Variants in NTNG2 observed in about 807,000 individuals in gnomAD.
NTNG2 encodes the protein netrin G2.
Under a neutral mutation model 47.6 loss-of-function variants are expected in NTNG2, and 15 were observed. That is an observed-to-expected ratio of 0.32 (90% CI 0.21 to 0.49). The LOEUF (loss-of-function observed/expected upper bound fraction) is 0.49, where lower values mean the gene tolerates loss of function less well. Among genes scored for constraint, NTNG2 ranks in the 20% least tolerant of loss-of-function variants. NTNG2 has a pLI of 0.99. For synonymous variants in NTNG2, 307 were observed against 324.6 expected (o/e 0.95, Z 0.58); for missense variants, 578 against 764.6 (o/e 0.76, Z 2.88).
At chr9:132,214,276 G>A (rs1589489246) in intron 3 of NTNG2, among the ~76,000 whole-genome samples, 1 of 152,220 alleles carries the variant, frequency 6.6e-6, no homozygotes, top group African/African-American at 2.4e-5. Flanking sequence ...CCCCGCTCAC[G>A]ATTTTTGTGG....
intron 4 of NTNG2, among the ~76,000 whole-genome samples, chr9:132,230,161 C>G (rs1841089875): frequency 6.6e-6 from 1 of 152,208 alleles, no homozygotes; most frequent in Non-Finnish European, 1.5e-5. Context: ...AGCCACACTG[C>G]ACTTCTTAGA....
chr9:132,202,449 G>T (rs534759754), intron 3 of NTNG2, among the ~76,000 whole-genome samples: 1 of 152,286 alleles, frequency 6.6e-6, no homozygotes, highest in African/African-American at 2.4e-5. Context: ...ACAGGCACCC[G>T]CAAGTCCCAG....
chr9:132,177,761 G>A (rs1048678405), intron 2 of NTNG2, among the ~76,000 whole-genome samples: 5 of 152,060 alleles, frequency 3.3e-5, no homozygotes, highest in African/African-American at 7.2e-5. Flanking sequence ...GGGTTCAAGC[G>A]ATTCTCCTGC....
intron 2 of NTNG2, among the ~76,000 whole-genome samples, chr9:132,195,547 T>C (rs900069619): frequency 1.3e-5 from 2 of 148,994 alleles, no homozygotes; most frequent in African/African-American, 5.0e-5. Context: ...CAGGATGGTG[T>C]TGATCTCCTG....
At chr9:132,178,742 A>G (rs1206230288) in intron 2 of NTNG2, among the ~76,000 whole-genome samples, 1 of 149,114 alleles carries the variant, frequency 6.7e-6, no homozygotes, top group Non-Finnish European at 1.5e-5. Context: ...GGAGTTTGAA[A>G]CCAGCCAGGG....
rs567432460 is a variant in NTNG2 at position 132,224,431 on chromosome 9, C to T, written c.858-2418C>T. On this transcript the variant is annotated intron_variant, in intron 3 of 7. Transcript: ENST00000393229. ...GGCATCATAAAGAATGGTTTCACCG[C>T]CCTAAAAATCCCTGTGTGCCACCTA... Among the ~76,000 whole-genome samples the T allele has an allele frequency of 1.4e-4, 22 of 152,192 alleles. No homozygotes were observed. In the South Asian group the frequency reaches 2.1e-3, roughly 14 times the overall value.
In NTNG2 at chr9:132,208,595, G is replaced by A. The variant is rs2130808448; in HGVS notation, c.857+9986G>A. ...TTGGTGGCAGTGTTGCTGAGTAGCT[G>A]ATGGGAGCAGGCGGTGGGAGGCATC... is the stretch of plus-strand genomic sequence containing the variant. On this transcript the variant is annotated intron_variant, in intron 3 of 7. Transcript: ENST00000393229. This position sits in a 1 kb window ranked among gnomAD's most constrained non-coding sequence, Gnocchi z 4.0. Among the ~76,000 whole-genome samples, 1 of 152,260 alleles carries A rather than the reference G, an allele frequency of 6.6e-6. No homozygotes were observed. The highest frequency in any genetic ancestry group is 3.4e-3 in the Middle Eastern group (1 of 294).
intron 5 of NTNG2, chr9:132,232,608 C>G (rs1036177563): frequency 1.3e-5 from 2 of 152,250 alleles, no homozygotes. Flanking sequence ...AAGGATTTAT[C>G]CTTCCCAGAG....
rs1370677008 is a variant in NTNG2 at position 132,226,182 on chromosome 9, G to C, written c.858-667G>C. On this transcript the variant is annotated intron_variant, in intron 3 of 7. Coordinates refer to ENST00000393229, the MANE Select transcript of NTNG2 (RefSeq NM_032536.4). This position sits in a 1 kb window ranked among gnomAD's most constrained non-coding sequence, Gnocchi z 4.8. The stretch of plus-strand genomic sequence containing the variant: ...CTCATCAACTTTCGGTTACCCCGAG[G>C]TACAGTTTATATAGGACAGGCAGGA... Among the ~76,000 whole-genome samples, 1 of 152,180 alleles carries C rather than the reference G, an allele frequency of 6.6e-6. No homozygotes were observed. The highest frequency in any genetic ancestry group is 2.4e-5 in the African/African-American group (1 of 41,442).
At chr9:132,217,531 A>G (rs1840070265) in intron 3 of NTNG2, among the ~76,000 whole-genome samples, 1 of 152,222 alleles carries the variant, frequency 6.6e-6, no homozygotes, top group Non-Finnish European at 1.5e-5. Flanking sequence ...TGTCTGTGAA[A>G]TAGAGATAGT....
chr9:132,186,322 A>C (rs1232088758), intron 2 of NTNG2, among the ~76,000 whole-genome samples: 5 of 152,206 alleles, frequency 3.3e-5, no homozygotes, highest in Non-Finnish European at 7.3e-5. Flanking sequence ...CCTGCCCCAA[A>C]CATTCCTGGA....
Position 132,198,476 on chromosome 9 carries a change from G to A in NTNG2, c.724G>A (p.Gly242Ser), listed in dbSNP as rs1838488412. 6.2e-7 allele frequency: 1 copy of A among 1,610,442 alleles called. No homozygotes were observed. The highest frequency in any genetic ancestry group is 1.3e-5 in the African/African-American group (1 of 75,024). The change falls in exon 3 of 8, where the codon GGC becomes AGC. Residue 242 changes from glycine (G) to serine (S), a missense_variant. Coordinates refer to ENST00000393229, the MANE Select transcript of NTNG2 (RefSeq NM_032536.4). ...NLYTRLESAKGLKEFFTLTDL... is the reference protein window; with the variant it reads ...NLYTRLESAKSLKEFFTLTDL... ...CTACACGCGGCTGGAGAGCGCCAAGGGCCTCAAGGAGTTCTTCACCCTCAC... is the reference window on the plus strand; with the variant it reads ...CTACACGCGGCTGGAGAGCGCCAAGAGCCTCAAGGAGTTCTTCACCCTCAC...
At chr9:132,212,479 A>G (rs142276229) in intron 3 of NTNG2, among the ~76,000 whole-genome samples, 59 of 152,330 alleles carry the variant, frequency 3.9e-4, no homozygotes, top group Non-Finnish European at 5.4e-4. Flanking sequence ...GATTTAGCCA[A>G]TGAACTCAAT....
chr9:132,204,559 G>T (rs1010095817), intron 3 of NTNG2, among the ~76,000 whole-genome samples: 1 of 152,108 alleles, frequency 6.6e-6, no homozygotes, highest in African/African-American at 2.4e-5. Flanking sequence ...AAAAACAGGG[G>T]CAAGAAGGGA....
rs1258207096 is a variant in NTNG2 at position 132,241,984 on chromosome 9, C to G, written c.1466C>G (p.Pro489Arg). 6.7e-7 allele frequency: 1 copy of G among 1,495,492 alleles called. No individual in the cohort carries two copies. The highest frequency in any genetic ancestry group is 1.2e-5 in the South Asian group (1 of 80,162). 92.6% of individuals were successfully genotyped at this position (1,495,492 alleles called of 1,614,324 possible). A position where few individuals can be genotyped will look rare whatever the true frequency, so the allele number is the denominator to read the frequency against. Residue 489 changes from proline (P) to arginine (R), a missense_variant, in exon 8 of 8, where the codon CCC (proline) becomes CGC (arginine). Physicochemically the swap from Pro to Arg is moderately radical, Grantham distance 103. Coordinates refer to ENST00000393229, the MANE Select transcript of NTNG2 (RefSeq NM_032536.4). ...RGYTGVRCEQ[P>R]RCDPADDDGG... ...TACACCGGCGTGCGCTGCGAGCAGCCCCGCTGCGACCCCGCCGACGATGAC... is the reference window on the plus strand; with the variant it reads ...TACACCGGCGTGCGCTGCGAGCAGCGCCGCTGCGACCCCGCCGACGATGAC...
At chr9:132,230,228 TA>T (rs778551738) in intron 4 of NTNG2, among the ~76,000 whole-genome samples, 5 of 152,138 alleles carry the variant, frequency 3.3e-5, no homozygotes, top group Non-Finnish European at 5.9e-5. Flanking sequence ...AAATCTGAAA[TA>T]AGAGGAGGAG....
intron 2 of NTNG2, among the ~76,000 whole-genome samples, chr9:132,184,191 G>A (rs373506653): frequency 3.3e-5 from 5 of 152,326 alleles, no homozygotes; most frequent in African/African-American, 1.2e-4. Flanking sequence ...CGGCCCCACC[G>A]CCTCTTAACT....
intron 2 of NTNG2, among the ~76,000 whole-genome samples, chr9:132,183,717 C>T (rs1010247009): frequency 6.6e-6 from 1 of 152,212 alleles, no homozygotes; most frequent in Non-Finnish European, 1.5e-5. Context: ...TTGGCTTCCC[C>T]ACCTGTAGGT....
chr9:132,196,735 G>C (rs1838339566), intron 2 of NTNG2, among the ~76,000 whole-genome samples: 1 of 152,152 alleles, frequency 6.6e-6, no homozygotes, highest in Admixed American at 6.5e-5. Context: ...GACACCACTG[G>C]GTGTCCGATG....
Sources: allele counts gnomAD v4.1 joint callset (sites outside exome capture counted in the v4.1 genomes callset), GRCh38; gene constraint gnomAD v4.1.1; non-coding constraint Gnocchi (gnomAD v3.1); transcripts MANE v1.5; gene names NCBI Gene and HGNC (gene_info 2026-07-23, HGNC 2026-07-21).